The following MYOM1 variants were observed in gnomAD, a reference collection of about 807,000 sequenced individuals.
The protein encoded by MYOM1 is myomesin-1.
In MYOM1, 164 loss-of-function variants were observed where a neutral mutation model predicts 205.3. The observed-to-expected ratio is 0.80, with a 90% CI of 0.70 to 0.91. The LOEUF (loss-of-function observed/expected upper bound fraction) is 0.91, where lower values mean the gene tolerates loss of function less well. MYOM1 is among the 40% of genes least tolerant of loss of function. The probability of loss-of-function intolerance (pLI) is 0.00; values close to 1 mark genes in which losing one functional copy is unlikely to be tolerated. For missense variants in MYOM1, 2,011 were observed against 2,127.3 expected (o/e 0.95, Z 1.08); for synonymous variants, 772 against 789.4 (o/e 0.98, Z 0.37).
intron 2 of MYOM1, among the ~76,000 whole-genome samples, chr18:3,197,819 G>A (rs1009722600): frequency 2.6e-5 from 4 of 152,082 alleles, no homozygotes; most frequent in African/African-American, 4.8e-5. Context: ...CTTGCAGTGA[G>A]CCGAGATCGC....
At chr18:3,200,937 G>A (rs773986439) in intron 2 of MYOM1, among the ~76,000 whole-genome samples, 6 of 152,028 alleles carry the variant, frequency 3.9e-5, no homozygotes, top group African/African-American at 7.2e-5. Context: ...TGGAAATATC[G>A]AAGTCAAACT....
intron 36 of MYOM1, among the ~76,000 whole-genome samples, chr18:3,075,130 T>C (rs2079007338): frequency 6.6e-6 from 1 of 152,166 alleles, no homozygotes; most frequent in Non-Finnish European, 1.5e-5. Context: ...TTCTCCAATA[T>C]ATACATATTT....
intron 2 of MYOM1, among the ~76,000 whole-genome samples, chr18:3,197,744 G>C (rs950694317): frequency 1.3e-5 from 2 of 151,848 alleles, no homozygotes; most frequent in Non-Finnish European, 2.9e-5. Flanking sequence ...ATGGTGGCAG[G>C]CGCCTGTGGT....
intron 10 of MYOM1, among the ~76,000 whole-genome samples, chr18:3,160,006 T>C (rs1483016695): frequency 6.7e-6 from 1 of 149,110 alleles, no homozygotes; most frequent in African/African-American, 2.5e-5. Context: ...CTTTTCTTCT[T>C]CTCCTACTTC....
intron 2 of MYOM1, among the ~76,000 whole-genome samples, chr18:3,210,644 T>A (rs1464550585): frequency 3.9e-5 from 6 of 152,184 alleles, no homozygotes; most frequent in African/African-American, 1.4e-4. Context: ...CTTGGTTATT[T>A]TGGTATTCAA....
chr18:3,203,863 CA>C (rs2081097738), intron 2 of MYOM1, among the ~76,000 whole-genome samples: 2 of 151,252 alleles, frequency 1.3e-5, no homozygotes, highest in South Asian at 2.1e-4. Context: ...CATAGAGACG[CA>C]AAAATCCTTC....
rs544895115 is a variant in MYOM1, at chr18:3,174,636, C to T, written c.1023-428G>A. On this transcript the variant is annotated intron_variant, in intron 6 of 37. Transcript: ENST00000356443. ...AACTACCCAGAGGCACACTGGAGGG[C>T]GTGGCTTTCCTGCTGTCCTGCCCTT... 4.6e-5 allele frequency among the ~76,000 whole-genome samples: 7 copies of T among 152,274 alleles called. No individual in the cohort carries two copies. In the South Asian group the frequency reaches 1.2e-3, roughly 27 times the overall value.
At position 3,219,426 on chromosome 18, in the gene MYOM1, T is replaced by C. The variant is rs762174366; in HGVS notation, c.-29+377A>G. Among the ~76,000 whole-genome samples the C allele has an allele frequency of 1.2e-4, 19 of 152,202 alleles. No homozygotes were observed. Among genetic ancestry groups the C allele is most frequent in the Non-Finnish European group, 2.4e-4 (16 of 68,026 alleles). Reference sequence around the variant, plus strand: ...TAATTTGTAACCAGGGAGCATTGTATGGCACATGCAGGATTGAAAATGCAG... The same window carrying C: ...TAATTTGTAACCAGGGAGCATTGTACGGCACATGCAGGATTGAAAATGCAG... On this transcript the variant is annotated intron_variant, in intron 1 of 37. Coordinates refer to ENST00000356443, the MANE Select transcript of MYOM1 (RefSeq NM_003803.4). This position sits in a 1 kb window ranked among gnomAD's most constrained non-coding sequence, Gnocchi z 4.4.
chr18:3,213,540 G>A (rs1234117331), intron 2 of MYOM1, among the ~76,000 whole-genome samples: 1 of 152,180 alleles, frequency 6.6e-6, no homozygotes, highest in African/African-American at 2.4e-5. Flanking sequence ...GACTGAGAAA[G>A]TAAATATCTG....
intron 5 of MYOM1, among the ~76,000 whole-genome samples, chr18:3,180,591 G>A (rs1466154428): frequency 2.0e-5 from 3 of 152,038 alleles, no homozygotes; most frequent in East Asian, 1.9e-4. Flanking sequence ...AGTAGTCATC[G>A]GCTAATTTTG....
the MYOM1 span, among the ~76,000 whole-genome samples, chr18:3,240,738 G>T: frequency 6.6e-6 from 1 of 152,184 alleles, no homozygotes. Flanking sequence ...AGTTTGGAGG[G>T]CTCAGAAGAA....
chr18:3,233,186 A>G, the MYOM1 span, among the ~76,000 whole-genome samples: 1 of 152,334 alleles, frequency 6.6e-6, no homozygotes, highest in Middle Eastern at 3.4e-3. Flanking sequence ...ATGTACCACA[A>G]AAATTTATTT....
intron 2 of MYOM1, among the ~76,000 whole-genome samples, chr18:3,213,269 G>A (rs1598776160): frequency 1.3e-5 from 2 of 152,150 alleles, no homozygotes. Context: ...TATTTTGTGG[G>A]CTTAAATTTT....
intron 2 of MYOM1, among the ~76,000 whole-genome samples, chr18:3,201,136 T>C (rs1288862219): frequency 6.6e-6 from 1 of 152,182 alleles, no homozygotes; most frequent in African/African-American, 2.4e-5. Context: ...CAGTGGCTCA[T>C]GCCTGTAATC....
intron 34 of MYOM1, 79 bp from the exon 35 acceptor site, chr18:3,075,840 G>A (rs1010119464): frequency 7.7e-7 from 1 of 1,293,004 alleles, no homozygotes; most frequent in Admixed American, 2.0e-5. Flanking sequence ...TTCACAACTG[G>A]AGATTGCTGT....
intron 22 of MYOM1, among the ~76,000 whole-genome samples, chr18:3,108,578 C>T (rs2079482079): frequency 1.3e-5 from 2 of 151,062 alleles, no homozygotes; most frequent in Non-Finnish European, 2.9e-5. Flanking sequence ...GAGTCTTGCT[C>T]TGTCACCCAG....
Position 3,135,666 on chromosome 18 carries a change from A to C in MYOM1, c.2090T>G (p.Phe697Cys). 1 of 1,614,000 alleles carries C rather than the reference A, an allele frequency of 6.2e-7. No individual in the cohort carries two copies. The highest frequency in any genetic ancestry group is 1.1e-5 in the South Asian group (1 of 91,084). Residue 697 changes from phenylalanine to cysteine, a missense_variant, in exon 15 of 38, where the codon TTT (phenylalanine) becomes TGT (cysteine). Physicochemically the swap from Phe to Cys is radical, Grantham distance 205. Transcript: ENST00000356443. This position sits in a 1 kb window ranked among gnomAD's most constrained non-coding sequence, Gnocchi z 4.1. ...NTELPVKSPRFALFDLAEGKS... is the reference protein window; with the variant it reads ...NTELPVKSPRCALFDLAEGKS... The stretch of plus-strand genomic sequence containing the variant: ...CCCCTCGGCCAAGTCAAACAGAGCA[A>C]AGCGGGGAGACTTCACAGGGAGCTC...
At position 3,087,881 on chromosome 18, in the gene MYOM1, C is replaced by A. The variant is rs537985204; in HGVS notation, c.4137+1293G>T. Among the ~76,000 whole-genome samples the A allele has an allele frequency of 8.5e-5, 13 of 152,226 alleles. 1 individual carries two copies. In the South Asian group the frequency reaches 2.7e-3, roughly 32 times the overall value. ...TCCAGTGAGTCTGAATGATTCGCTG[C>A]GCATACTCCATGAACTGTAATGCGA... On this transcript the variant is annotated intron_variant, in intron 29 of 37. Coordinates refer to ENST00000356443, the MANE Select transcript of MYOM1 (RefSeq NM_003803.4).
intron 10 of MYOM1, among the ~76,000 whole-genome samples, chr18:3,163,319 A>T (rs1014395190): frequency 6.6e-6 from 1 of 152,240 alleles, no homozygotes; most frequent in African/African-American, 2.4e-5. Context: ...CCACCGGAAC[A>T]GTCATAGGGA....
Sources: allele counts gnomAD v4.1 joint callset (sites outside exome capture counted in the v4.1 genomes callset), GRCh38; gene constraint gnomAD v4.1.1; non-coding constraint Gnocchi (gnomAD v3.1); transcripts MANE v1.5; gene names NCBI Gene and HGNC (gene_info 2026-07-23, HGNC 2026-07-21).